Variants in NKAIN3 observed in about 807,000 individuals in gnomAD.
NKAIN3 encodes sodium/potassium transporting ATPase interacting 3.
Under a neutral mutation model 30.2 loss-of-function variants are expected in NKAIN3, and 25 were observed. The ratio of observed to expected loss-of-function variants is 0.83; its 90% CI spans 0.60 to 1.16. NKAIN3 has a LOEUF of 1.16. Among genes scored for constraint, NKAIN3 ranks in the 50% most tolerant of loss-of-function variants. The pLI is 0.00. For synonymous variants in NKAIN3, 91 were observed against 89.6 expected (o/e 1.02, Z -0.09); for missense variants, 225 against 254.1 (o/e 0.89, Z 0.78).
intron 1 of NKAIN3, among the ~76,000 whole-genome samples, chr8:62,479,885 T>C (rs1457831947): frequency 6.6e-6 from 1 of 152,102 alleles, no homozygotes; most frequent in Non-Finnish European, 1.5e-5. Flanking sequence ...AGAGAAATTG[T>C]AGACAATAAG....
intron 2 of NKAIN3, among the ~76,000 whole-genome samples, chr8:62,581,798 A>C (rs1445447955): frequency 1.5e-4 from 7 of 46,792 alleles, no homozygotes; most frequent in South Asian, 9.2e-4. Context: ...TCTCCCACCT[A>C]TCCTCCCTCC....
intron 4 of NKAIN3, among the ~76,000 whole-genome samples, chr8:62,783,788 A>G (rs1817431262): frequency 6.6e-6 from 1 of 151,814 alleles, no homozygotes; most frequent in South Asian, 2.1e-4. Flanking sequence ...ACATGCAGCT[A>G]AATTTTTTAT....
At position 62,366,009 on chromosome 8, in the gene NKAIN3, G is replaced by A. The variant is rs557576917; in HGVS notation, c.54+116882G>A. On this transcript the variant is annotated intron_variant, in intron 1 of 6. Transcript: ENST00000623646. ...ATCTTTAAATGTTTCATAGAATTCA[G>A]TGCTGATGCCATCTGGTGCTGTGCT... 1.4e-4 allele frequency among the ~76,000 whole-genome samples: 21 copies of A among 152,242 alleles called. No homozygotes were observed. In the East Asian group the frequency reaches 3.9e-3, roughly 28 times the overall value.
chr8:62,405,978 A>G (rs1804053348), intron 1 of NKAIN3, among the ~76,000 whole-genome samples: 2 of 152,198 alleles, frequency 1.3e-5, no homozygotes, highest in Admixed American at 6.5e-5. Flanking sequence ...CCAGTATCCA[A>G]TTATTTGAAA....
At chr8:62,804,597 A>G (rs1476566083) in intron 4 of NKAIN3, among the ~76,000 whole-genome samples, 2 of 152,232 alleles carry the variant, frequency 1.3e-5, no homozygotes, top group African/African-American at 4.8e-5. Context: ...ACAAAATTCA[A>G]CAATGCTTCA....
rs1266654655 is a variant in NKAIN3 at position 62,898,979 on chromosome 8, G to A, written c.472-19474G>A. Among the ~76,000 whole-genome samples the A allele has an allele frequency of 3.9e-5, 6 of 152,098 alleles. No homozygotes were observed. The South Asian group carries it at 1.2e-3, about 31-fold the overall frequency. Reference sequence around the variant, plus strand: ...AAACGGGAAATAGACATATGAAAAAGTGTTCAACATCATTGATCATCAGAG... The same window carrying A: ...AAACGGGAAATAGACATATGAAAAAATGTTCAACATCATTGATCATCAGAG... On this transcript the variant is annotated intron_variant, in intron 4 of 6. Coordinates refer to ENST00000623646, the MANE Select transcript of NKAIN3 (RefSeq NM_001304533.3).
intron 4 of NKAIN3, among the ~76,000 whole-genome samples, chr8:62,867,638 C>T (rs75425843): frequency 1.1e-4 from 17 of 152,326 alleles, no homozygotes; most frequent in African/African-American, 2.4e-5. Context: ...ACACAGTCAA[C>T]TCAGAGGATG....
At chr8:62,479,912 G>A (rs1806659279) in intron 1 of NKAIN3, among the ~76,000 whole-genome samples, 2 of 152,140 alleles carry the variant, frequency 1.3e-5, no homozygotes, top group Non-Finnish European at 2.9e-5. Context: ...AGTGAGAAAG[G>A]TAAAAGAATA....
intron 1 of NKAIN3, among the ~76,000 whole-genome samples, chr8:62,545,564 C>G (rs904463558): frequency 1.3e-5 from 2 of 152,070 alleles, no homozygotes; most frequent in Non-Finnish European, 2.9e-5. Flanking sequence ...GCAAGACTGT[C>G]TAAATAAATA....
chr8:62,292,225 G>A (rs535360913), intron 1 of NKAIN3, among the ~76,000 whole-genome samples: 6 of 152,124 alleles, frequency 3.9e-5, no homozygotes, highest in Non-Finnish European at 8.8e-5. Context: ...GGAGCATTAA[G>A]CCCATTTACA....
At chr8:62,368,885 CA>C (rs1816822956) in intron 1 of NKAIN3, among the ~76,000 whole-genome samples, 1 of 151,666 alleles carries the variant, frequency 6.6e-6, no homozygotes, top group South Asian at 2.1e-4. Flanking sequence ...ATTCCCATTG[CA>C]ATGCCTATTC....
At chr8:62,942,334 A>T (rs1822990191) in intron 5 of NKAIN3, among the ~76,000 whole-genome samples, 1 of 149,952 alleles carries the variant, frequency 6.7e-6, no homozygotes, top group Non-Finnish European at 1.5e-5. Context: ...CAAGGAGGTG[A>T]AAGACCTCTA....
chr8:62,395,067 G>A (rs1817706224), intron 1 of NKAIN3, among the ~76,000 whole-genome samples: 1 of 149,906 alleles, frequency 6.7e-6, no homozygotes, highest in Non-Finnish European at 1.5e-5. Context: ...ACGGTGGGTC[G>A]GCCAGGCAGA....
intron 4 of NKAIN3, among the ~76,000 whole-genome samples, chr8:62,837,663 T>C (rs1819409122): frequency 6.6e-6 from 1 of 152,274 alleles, no homozygotes; most frequent in South Asian, 2.1e-4. Flanking sequence ...ATTTTATAGC[T>C]AGTAGATTTG....
At chr8:62,447,737 G>A (rs1009838482) in intron 1 of NKAIN3, among the ~76,000 whole-genome samples, 2 of 151,944 alleles carry the variant, frequency 1.3e-5, no homozygotes, top group African/African-American at 4.8e-5. Context: ...CATTGATCCT[G>A]GTAGCAAATT....
At chr8:62,602,399 A>G (rs1471222600) in intron 3 of NKAIN3, among the ~76,000 whole-genome samples, 3 of 152,106 alleles carry the variant, frequency 2.0e-5, no homozygotes, top group Admixed American at 6.6e-5. Context: ...ATATTTAAAG[A>G]TAAACATTTT....
chr8:62,293,437 G>A (rs1285236769), intron 1 of NKAIN3, among the ~76,000 whole-genome samples: 1 of 152,108 alleles, frequency 6.6e-6, no homozygotes, highest in African/African-American at 2.4e-5. Flanking sequence ...CTTTCTGTTT[G>A]TTAGTTTTCC....
intron 3 of NKAIN3, among the ~76,000 whole-genome samples, chr8:62,614,895 G>T (rs915680829): frequency 6.6e-6 from 1 of 151,998 alleles, no homozygotes; most frequent in Non-Finnish European, 1.5e-5. Context: ...CCTTCAAGAC[G>T]GTGAACTCCC....
At chr8:62,803,926 G>C (rs1050914790) in intron 4 of NKAIN3, among the ~76,000 whole-genome samples, 3 of 152,094 alleles carry the variant, frequency 2.0e-5, no homozygotes, top group African/African-American at 7.2e-5. Flanking sequence ...AAATGATAAA[G>C]GGGATATCAC....
Sources: gnomAD v4.1 joint callset for allele counts (sites outside exome capture counted in the v4.1 genomes callset) on GRCh38, gnomAD v4.1.1 for gene constraint, MANE v1.5 for transcripts, NCBI Gene and HGNC (gene_info 2026-07-23, HGNC 2026-07-21) for gene names.